The following CTNNA3 variants were observed in gnomAD, a reference collection of about 807,000 sequenced individuals.
CTNNA3 encodes catenin alpha 3, also known as catenin alpha-3.
Under a neutral mutation model 95.7 loss-of-function variants are expected in CTNNA3, and 76 were observed. That is an observed-to-expected ratio of 0.79 (90% CI 0.66 to 0.96). The LOEUF is 0.96. Among genes scored for constraint, CTNNA3 ranks in the 40% least tolerant of loss-of-function variants. CTNNA3 has a pLI of 0.00. For synonymous variants in CTNNA3, 431 were observed against 374.4 expected, an observed-to-expected ratio of 1.15 and a Z score of -1.74; for missense variants, 1,191 against 1,089.8, an observed-to-expected ratio of 1.09 and a Z score of -1.31.
Position 66,696,381 on chromosome 10 carries a change from T to C in CTNNA3, c.1281+69883A>G, listed in dbSNP as rs888382899. The stretch of plus-strand genomic sequence containing the variant: ...CTGAAAACATTATCTCATTATAGAC[T>C]ATCCACGATTTAAACCTTCAAGCTG... On this transcript the variant is annotated intron_variant, in intron 9 of 17. Coordinates refer to ENST00000433211, the MANE Select transcript of CTNNA3 (RefSeq NM_013266.4). Among the ~76,000 whole-genome samples the C allele has an allele frequency of 2.0e-5, 3 of 152,174 alleles. No individual in the cohort carries two copies. The South Asian group carries it at 6.2e-4, about 32-fold the overall frequency.
intron 11 of CTNNA3, among the ~76,000 whole-genome samples, chr10:66,397,000 A>C (rs1320659261): frequency 6.6e-6 from 1 of 151,738 alleles, no homozygotes; most frequent in Non-Finnish European, 1.5e-5. Context: ...TTAAGTGAAA[A>C]AAATCAGGCT....
chr10:67,178,008 T>C (rs1862326471), intron 7 of CTNNA3, among the ~76,000 whole-genome samples: 3 of 152,208 alleles, frequency 2.0e-5, no homozygotes, highest in Admixed American at 6.5e-5. Flanking sequence ...TACCACAGTC[T>C]TGAATTTTTT....
chr10:67,101,456 T>TC (rs5785817), intron 7 of CTNNA3, among the ~76,000 whole-genome samples: 85,924 of 151,274 alleles, frequency 0.57, 26,190 homozygotes, highest in African/African-American at 0.81. Context: ...TTCTCCATTT[T>TC]CTTATAAGAA....
chr10:66,293,669 T>TTC (rs1210496580), intron 12 of CTNNA3, among the ~76,000 whole-genome samples: 1 of 148,618 alleles, frequency 6.7e-6, no homozygotes, highest in African/African-American at 2.5e-5. Context: ...TTTTCTTTCT[T>TTC]TTTTTTTTTT....
intron 4 of CTNNA3, among the ~76,000 whole-genome samples, chr10:67,536,393 C>G (rs1840487403): frequency 1.3e-5 from 2 of 152,116 alleles, no homozygotes; most frequent in Non-Finnish European, 2.9e-5. Context: ...AAATCAGCTT[C>G]ACTGTCTCAG....
At chr10:66,100,127 T>C (rs2081559209) in intron 14 of CTNNA3, among the ~76,000 whole-genome samples, 1 of 152,074 alleles carries the variant, frequency 6.6e-6, no homozygotes, top group Non-Finnish European at 1.5e-5. Context: ...ACTGGGAGCC[T>C]GGGAAGAACG....
chr10:66,208,587 A>G (rs2087916944), intron 13 of CTNNA3, among the ~76,000 whole-genome samples: 1 of 152,132 alleles, frequency 6.6e-6, no homozygotes, highest in South Asian at 2.1e-4. Flanking sequence ...GAGAAAGAAA[A>G]TCAAGAACAC....
Position 67,686,544 on chromosome 10 carries a change from G to A in CTNNA3, c.-6+9456C>T, listed in dbSNP as rs369691707. On this transcript the variant is annotated intron_variant, in intron 1 of 17. Coordinates refer to ENST00000433211, the MANE Select transcript of CTNNA3 (RefSeq NM_013266.4). ...GGAGTAGCGCCTGGTATCTAAGCAG[G>A]CGGTTGTCTGATAACCATAAACTTC... is the stretch of plus-strand genomic sequence containing the variant. 2.6e-5 allele frequency among the ~76,000 whole-genome samples: 4 copies of A among 152,148 alleles called. 1 individual carries two copies. Among genetic ancestry groups the A allele is most frequent in the Admixed American group, 2.0e-4 (3 of 15,274 alleles).
At chr10:67,075,634 G>A (rs1376163542) in intron 7 of CTNNA3, among the ~76,000 whole-genome samples, 1 of 152,170 alleles carries the variant, frequency 6.6e-6, no homozygotes. Flanking sequence ...CCTACCACTA[G>A]GAGGAAAAGG....
intron 7 of CTNNA3, among the ~76,000 whole-genome samples, chr10:66,935,671 T>A (rs1339658190): frequency 2.0e-5 from 3 of 152,086 alleles, no homozygotes; most frequent in African/African-American, 7.2e-5. Context: ...ATATTTTTCC[T>A]ATAATGTGAA....
At chr10:66,612,929 C>T (rs926152426) in intron 10 of CTNNA3, among the ~76,000 whole-genome samples, 10 of 152,028 alleles carry the variant, frequency 6.6e-5, no homozygotes, top group African/African-American at 2.4e-4. Context: ...AACACCACTT[C>T]CTTTCTATCT....
chr10:66,614,871 A>G (rs1844455387), intron 10 of CTNNA3, among the ~76,000 whole-genome samples: 1 of 152,006 alleles, frequency 6.6e-6, no homozygotes, highest in African/African-American at 2.4e-5. Context: ...GGTTTGCCTA[A>G]TTGAATGTGT....
chr10:66,086,037 A>T (rs1307600907), intron 14 of CTNNA3, among the ~76,000 whole-genome samples: 1 of 152,158 alleles, frequency 6.6e-6, no homozygotes, highest in Non-Finnish European at 1.5e-5. Context: ...ACACACACCA[A>T]CATTAAATAA....
intron 7 of CTNNA3, among the ~76,000 whole-genome samples, chr10:66,933,925 C>T (rs1847547696): frequency 6.6e-6 from 1 of 152,092 alleles, no homozygotes; most frequent in South Asian, 2.1e-4. Context: ...GTTCCTATGG[C>T]ATATCTAAAG....
intron 10 of CTNNA3, among the ~76,000 whole-genome samples, chr10:66,575,864 G>A (rs1842988655): frequency 2.6e-5 from 4 of 152,062 alleles, no homozygotes; most frequent in South Asian, 2.1e-4. Context: ...TGGGTGCCCC[G>A]CAAATCAATA....
chr10:66,085,583 T>C (rs1452364724), intron 14 of CTNNA3, among the ~76,000 whole-genome samples: 2 of 152,154 alleles, frequency 1.3e-5, no homozygotes, highest in African/African-American at 2.4e-5. Context: ...AAAGAGAATA[T>C]GGGAGAATGT....
chr10:66,330,306 G>C (rs2132316033), intron 12 of CTNNA3, among the ~76,000 whole-genome samples: 1 of 151,142 alleles, frequency 6.6e-6, no homozygotes, highest in South Asian at 2.1e-4. Context: ...ACCTATGAGT[G>C]AGAACATGCA....
chr10:67,275,095 G>A lies in CTNNA3; in HGVS notation c.580-55225C>T, dbSNP rs149189016. ...ATTAGAAGTCAGTAAAAATGTTCCA[G>A]AGAAATAATAGTAGCAACGCATATG... On this transcript the variant is annotated intron_variant, in intron 5 of 17. Coordinates refer to ENST00000433211, the MANE Select transcript of CTNNA3 (RefSeq NM_013266.4). Among the ~76,000 whole-genome samples the A allele has an allele frequency of 2.3e-4, 35 of 152,240 alleles. 1 individual carries two copies. Among genetic ancestry groups the A allele is most frequent in the African/African-American group, 8.4e-4 (35 of 41,546 alleles).
chr10:66,798,176 C>T (rs1240904972), intron 7 of CTNNA3, among the ~76,000 whole-genome samples: 1 of 151,702 alleles, frequency 6.6e-6, no homozygotes, highest in East Asian at 1.9e-4. Flanking sequence ...CTTAGAAGTG[C>T]CAAATCTCAT....
Sources: gnomAD v4.1 joint callset for allele counts (sites outside exome capture counted in the v4.1 genomes callset) on GRCh38, gnomAD v4.1.1 for gene constraint, MANE v1.5 for transcripts, NCBI Gene and HGNC (gene_info 2026-07-23, HGNC 2026-07-21) for gene names.